The following RYR1 variants were observed in gnomAD, a reference collection of about 807,000 sequenced individuals.
RYR1 encodes ryanodine receptor 1.
In RYR1, 342 loss-of-function variants were observed where a neutral mutation model predicts 583.5. That is an observed-to-expected ratio of 0.59 (90% CI 0.54 to 0.64). The LOEUF is 0.64. Ranked by LOEUF, RYR1 falls within the 30% of genes least tolerant of loss-of-function variation. RYR1 has a pLI of 0.00. For synonymous variants in RYR1, 2,791 were observed against 2,822.5 expected (o/e 0.99, Z 0.35); for missense variants, 6,032 against 6,917.2 (o/e 0.87, Z 4.54).
Position 38,490,233 on chromosome 19 carries a change from C to T in RYR1, c.5972C>T (p.Thr1991Ile). Residue 1991 changes from threonine (T) to isoleucine (I), a missense_variant, in exon 36 of 106, where the codon ACT becomes ATT. Transcript: ENST00000359596. Reference protein sequence around the residue: ...IKAFSMTAAETARRTREFRSP... With the variant: ...IKAFSMTAAEIARRTREFRSP... The stretch of plus-strand genomic sequence containing the variant: ...GCCTTCAGCATGACCGCAGCAGAGA[C>T]TGCAAGACGTACCCGCGAGTTCCGC... The T allele has an allele frequency of 1.2e-6, 2 of 1,614,234 alleles. No individual in the cohort carries two copies. The highest frequency in any genetic ancestry group is 4.5e-5 in the East Asian group (2 of 44,888).
intron 47 of RYR1, among the ~76,000 whole-genome samples, chr19:38,501,238 G>A (rs773162008): frequency 2.0e-5 from 3 of 152,196 alleles, no homozygotes; most frequent in Admixed American, 6.5e-5. Flanking sequence ...GGTGACTCGC[G>A]CCTGTAATCC....
At chr19:38,526,810 G>C (rs954121909) in intron 71 of RYR1, 183 bp from the exon 72 acceptor site, 1 of 610,794 alleles carries the variant, frequency 1.6e-6, no homozygotes, top group East Asian at 2.9e-5. Flanking sequence ...GTGACCCTCC[G>C]GCCCCTCTAG....
At chr19:38,521,929 C>G (rs1287125466) in intron 67 of RYR1, among the ~76,000 whole-genome samples, 1 of 151,782 alleles carries the variant, frequency 6.6e-6, no homozygotes, top group Admixed American at 6.6e-5. Context: ...AGGATGGTCT[C>G]GATCTCCTGA....
chr19:38,446,945 G>C (rs1012063206), intron 9 of RYR1, among the ~76,000 whole-genome samples, 177 bp downstream of exon 9: 1 of 152,174 alleles, frequency 6.6e-6, no homozygotes, highest in African/African-American at 2.4e-5. Context: ...CTTCATGCCT[G>C]TAATCCCAGC....
chr19:38,482,941 C>A (rs1245482977), intron 31 of RYR1, 86 bp from the exon 32 acceptor site: 15 of 1,190,220 alleles, frequency 1.3e-5, no homozygotes, highest in Non-Finnish European at 1.8e-5. Flanking sequence ...TGAGGACCTA[C>A]AAATTGGCCC....
In RYR1 at chr19:38,499,298, C is replaced by G. The variant is rs1969987976; in HGVS notation, c.7027+55C>G. ...GAAGTATGGAGTCACTGGTCACACA[C>G]CTCCCTCGAGATGACTGCTCGCACC... On this transcript the variant is annotated intron_variant, in intron 43 of 105. Transcript: ENST00000359596. This position sits in a 1 kb window ranked among gnomAD's most constrained non-coding sequence, Gnocchi z 7.3. 6.2e-7 allele frequency: 1 copy of G among 1,613,030 alleles called. No individual in the cohort carries two copies. The highest frequency in any genetic ancestry group is 8.5e-7 in the Non-Finnish European group (1 of 1,179,332).
chr19:38,567,076 C>A, intron 92 of RYR1, 89 bp downstream of exon 92: 3 of 1,539,766 alleles, frequency 1.9e-6, no homozygotes, highest in Non-Finnish European at 2.6e-6. Flanking sequence ...CCAAGGCTGT[C>A]CTGGCCACCC....
rs757261781 is a variant in RYR1, at chr19:38,467,646, G to T, written c.3215G>T (p.Arg1072Leu). 6.2e-7 allele frequency: 1 copy of T among 1,614,204 alleles called. No individual in the cohort carries two copies. Among genetic ancestry groups the T allele is most frequent in the South Asian group, 1.1e-5 (1 of 91,088 alleles). Residue 1072 changes from arginine to leucine, a missense_variant, in exon 25 of 106, where the codon CGC becomes CTC. Around this residue, in one of 11 missense-constraint regions of RYR1, gnomAD observed 2,627 missense variants for 2,961.3 expected, o/e 0.89. Transcript: ENST00000359596. ...VENQSRCDRV[R>L]IFRAEKSYTV... Reference sequence around the variant, plus strand: ...AACCAGTCTCGTTGTGACCGGGTGCGCATCTTCCGGGCAGAGAAATCCTAT... The same window carrying T: ...AACCAGTCTCGTTGTGACCGGGTGCTCATCTTCCGGGCAGAGAAATCCTAT...
Position 38,510,648 on chromosome 19 carries a change from A to G in RYR1, c.9001-12A>G, listed in dbSNP as rs1303749035. ...CTCATTGGACCCTTTATCTCCCCCA[A>G]CCCGTCTCCAGATCCTGCTCCCTTT... is the stretch of plus-strand genomic sequence containing the variant. On this transcript the variant is annotated splice_polypyrimidine_tract_variant and intron_variant, in intron 59 of 105. Coordinates refer to ENST00000359596, the MANE Select transcript of RYR1 (RefSeq NM_000540.3). 1.2e-6 allele frequency: 2 copies of G among 1,613,868 alleles called. No homozygotes were observed. The highest frequency in any genetic ancestry group is 1.3e-5 in the African/African-American group (1 of 74,846).
Position 38,486,113 on chromosome 19 carries a change from C to T in RYR1, c.5458C>T (p.Arg1820Cys), listed in dbSNP as rs767062679. The T allele has an allele frequency of 5.6e-6, 9 of 1,612,778 alleles. No individual in the cohort carries two copies. In the South Asian group the frequency reaches 7.7e-5, roughly 14 times the overall value. The change falls in exon 34 of 106, where the codon CGC becomes TGC. Residue 1820 changes from arginine to cysteine, a missense_variant. Arg to Cys is a radical substitution (Grantham distance 180, BLOSUM62 -3). Around this residue, in one of 11 missense-constraint regions of RYR1, gnomAD observed 2,627 missense variants for 2,961.3 expected, o/e 0.89. Transcript: ENST00000359596. ...KALRMLGEAV[R>C]DGGQHARDPV... ...ACTGAGGATGCTGGGGGAGGCGGTGCGCGACGGTGGGCAGCACGCTCGCGA... is the reference window on the plus strand; with the variant it reads ...ACTGAGGATGCTGGGGGAGGCGGTGTGCGACGGTGGGCAGCACGCTCGCGA...
At position 38,519,210 on chromosome 19, in the gene RYR1, G is replaced by A; in HGVS notation, c.10019-4G>A. On this transcript the variant is annotated splice_polypyrimidine_tract_variant and splice_region_variant and intron_variant, in intron 66 of 105. Transcript: ENST00000359596. ...TGGCATCAGAGCCCATCGCACCCCTGCAGTGTTCGCACAGCCCATTGTGAG... is the reference window on the plus strand; with the variant it reads ...TGGCATCAGAGCCCATCGCACCCCTACAGTGTTCGCACAGCCCATTGTGAG... The A allele has an allele frequency of 6.2e-7, 1 of 1,614,110 alleles. No individual in the cohort carries two copies. The highest frequency in any genetic ancestry group is 8.5e-7 in the Non-Finnish European group (1 of 1,180,010).
chr19:38,526,686 G>A (rs1971480843), intron 71 of RYR1, among the ~76,000 whole-genome samples: 1 of 150,406 alleles, frequency 6.6e-6, no homozygotes, highest in Non-Finnish European at 1.5e-5. Context: ...TGACCCCCCA[G>A]TCATCCCTCT....
Position 38,586,208 on chromosome 19 carries a change from G to T in RYR1, c.14969+17G>T. The T allele has an allele frequency of 1.2e-6, 2 of 1,610,172 alleles. No individual in the cohort carries two copies. The highest frequency in any genetic ancestry group is 1.7e-6 in the Non-Finnish European group (2 of 1,177,684). ...CAATTACATGTGAGCAGACACACTG[G>T]CCAGTCAGGAGGGTGGGGGGCATGG... On this transcript the variant is annotated intron_variant, in intron 104 of 105. Transcript: ENST00000359596.
intron 2 of RYR1, 97 bp downstream of exon 2, chr19:38,440,961 G>T (rs759196376): frequency 7.4e-7 from 1 of 1,347,030 alleles, no homozygotes; most frequent in Non-Finnish European, 1.0e-6. Context: ...CTGAAAGGAG[G>T]TGCTGACAGG....
At chr19:38,527,476 C>T (rs1161644528) in intron 72 of RYR1, 171 bp from the exon 73 acceptor site, 3 of 845,618 alleles carry the variant, frequency 3.5e-6, no homozygotes, top group South Asian at 1.6e-5. Context: ...CACCACTGCA[C>T]TCCAGCCTGG....
chr19:38,580,041 C>T lies in RYR1; in HGVS notation c.14424C>T (p.Phe4808=), dbSNP rs780689135. 2 of 1,614,234 alleles carry T rather than the reference C, an allele frequency of 1.2e-6. No individual in the cohort carries two copies. Among genetic ancestry groups the T allele is most frequent in the Admixed American group, 1.7e-5 (1 of 60,008 alleles). ...VMSLLGHYNN[F]FFAAHLLDIA... ...CCCTCTTGGGACACTACAACAACTT[C>T]TTCTTTGCTGCCCATCTCCTGGACA... Residue 4808 remains phenylalanine (F), a synonymous_variant, in exon 100 of 106, where the codon TTC becomes TTT. Transcript: ENST00000359596.
chr19:38,508,713 C>A (rs1454341498), intron 58 of RYR1, among the ~76,000 whole-genome samples: 1 of 152,142 alleles, frequency 6.6e-6, no homozygotes, highest in South Asian at 2.1e-4. Flanking sequence ...GAAGCAGAGT[C>A]ATCGAGGGGG....
At chr19:38,581,815 C>A (rs1974225208) in intron 101 of RYR1, among the ~76,000 whole-genome samples, 1 of 150,940 alleles carries the variant, frequency 6.6e-6, no homozygotes, top group East Asian at 2.0e-4. Context: ...ACAATGTTGG[C>A]CAGGCTTGTC....
chr19:38,502,757 AGGGGCAGGG>A, intron 48 of RYR1, 30 bp downstream of exon 48: 1 of 296,618 alleles, frequency 3.4e-6, no homozygotes. Context: ...AGGGTGGGGC[AGGGGCAGGG>A]GCAGGGGCAG....
Sources: gnomAD v4.1 joint callset for allele counts (sites outside exome capture counted in the v4.1 genomes callset) on GRCh38, gnomAD v4.1.1 for gene constraint, gnomAD v4.1.1 regional missense constraint, Gnocchi (gnomAD v3.1) non-coding constraint, MANE v1.5 for transcripts, NCBI Gene and HGNC (gene_info 2026-07-23, HGNC 2026-07-21) for gene names.